GIMAP8: variants seen among roughly 807,000 people sequenced by gnomAD.
The protein encoded by GIMAP8 is GTPase, IMAP family member 8.
Under a neutral mutation model 35.6 loss-of-function variants are expected in GIMAP8, and 29 were observed. That is an observed-to-expected ratio of 0.81 (90% CI 0.61 to 1.11). GIMAP8 has a LOEUF of 1.11. Among genes scored for constraint, GIMAP8 ranks in the 50% most tolerant of loss-of-function variants. The pLI, the probability that GIMAP8 is intolerant of heterozygous loss-of-function variation, is 0.00. For synonymous variants in GIMAP8, 335 were observed against 308.7 expected (o/e 1.09, Z -0.89); for missense variants, 811 against 805.0 (o/e 1.01, Z -0.09).
chr7:150,461,147 C>T (rs1801836572), intron 1 of GIMAP8, among the ~76,000 whole-genome samples: 1 of 152,226 alleles, frequency 6.6e-6, no homozygotes, highest in South Asian at 2.1e-4. Flanking sequence ...GCTGACATAA[C>T]AGATGGTCTA....
At position 150,472,557 on chromosome 7, in the gene GIMAP8, G is replaced by A. The variant is rs1802115043; in HGVS notation, c.683-1455G>A. Among the ~76,000 whole-genome samples, 1 of 152,102 alleles carries A rather than the reference G, an allele frequency of 6.6e-6. No individual in the cohort carries two copies. Among genetic ancestry groups the A allele is most frequent in the Non-Finnish European group, 1.5e-5 (1 of 68,032 alleles). ...GCCAGACCAGCTCCTGGCTCTCAAG[G>A]GCTATTTATTATCCCTTCTCACTCC... On this transcript the variant is annotated intron_variant, in intron 3 of 4. Transcript: ENST00000307271. This position sits in a 1 kb window ranked among gnomAD's most constrained non-coding sequence, Gnocchi z 4.1.
At chr7:150,459,808 A>T (rs1020922325) in intron 1 of GIMAP8, among the ~76,000 whole-genome samples, 1 of 152,184 alleles carries the variant, frequency 6.6e-6, no homozygotes, top group Non-Finnish European at 1.5e-5. Flanking sequence ...GTAAGCCTGT[A>T]TGGAAAATCA....
At chr7:150,463,264 T>C (rs566370129) in intron 1 of GIMAP8, among the ~76,000 whole-genome samples, 22 of 152,292 alleles carry the variant, frequency 1.4e-4, no homozygotes, top group Admixed American at 3.3e-4. Context: ...TTTCTTTGTA[T>C]TGTCAATCTG....
At chr7:150,453,511 AC>A (rs958962120) in intron 1 of GIMAP8, among the ~76,000 whole-genome samples, 1 of 152,278 alleles carries the variant, frequency 6.6e-6, no homozygotes, top group African/African-American at 2.4e-5. Flanking sequence ...AGTGCCACAG[AC>A]CCCATTTTTT....
At chr7:150,453,856 G>T (rs1323809060) in intron 1 of GIMAP8, among the ~76,000 whole-genome samples, 1 of 150,526 alleles carries the variant, frequency 6.6e-6, no homozygotes, top group Non-Finnish European at 1.5e-5. Context: ...TGGGTGCTGG[G>T]TATGGGGCGG....
intron 2 of GIMAP8, among the ~76,000 whole-genome samples, chr7:150,468,759 C>T (rs1249945107): frequency 2.0e-5 from 3 of 152,122 alleles, no homozygotes; most frequent in Non-Finnish European, 4.4e-5. Flanking sequence ...GAGTAATAAG[C>T]CCAAGCAGCA....
Position 150,467,341 on chromosome 7 carries a change from A to C in GIMAP8, c.636+7A>C. The C allele has an allele frequency of 6.2e-7, 1 of 1,604,774 alleles. No homozygotes were observed. The highest frequency in any genetic ancestry group is 1.1e-5 in the South Asian group (1 of 90,542). The stretch of plus-strand genomic sequence containing the variant: ...TGAAGGCAGCAGGTTTCAAGTAAGA[A>C]TTTTGTTAATATCTTGAAAGATCTC... On this transcript the variant is annotated splice_region_variant and intron_variant, in intron 2 of 4. Coordinates refer to ENST00000307271, the MANE Select transcript of GIMAP8 (RefSeq NM_175571.4).
In GIMAP8 at chr7:150,477,161, G is replaced by C; in HGVS notation, c.1379G>C (p.Gly460Ala). The C allele has an allele frequency of 6.2e-7, 1 of 1,614,070 alleles. No individual in the cohort carries two copies. Among genetic ancestry groups the C allele is most frequent in the Non-Finnish European group, 8.5e-7 (1 of 1,179,988 alleles). The change falls in exon 5 of 5, where the codon GGG (glycine) becomes GCG (alanine). Residue 460 changes from glycine to alanine, a missense_variant. Gly to Ala is a moderately conservative substitution (Grantham distance 60). Transcript: ENST00000307271. ...AGTGCGACCGGGAACTCTATCCTGG[G>C]GAGCCTCGTCTTCACCTCTCGGCTC... ...GKSATGNSILGSLVFTSRLRA... is the reference protein window; with the variant it reads ...GKSATGNSILASLVFTSRLRA...
intron 1 of GIMAP8, among the ~76,000 whole-genome samples, chr7:150,459,781 G>T (rs1383066069): frequency 6.6e-6 from 1 of 152,166 alleles, no homozygotes; most frequent in Non-Finnish European, 1.5e-5. Flanking sequence ...GAGTTCCTTG[G>T]AGTGAGTTCC....
intron 1 of GIMAP8, among the ~76,000 whole-genome samples, chr7:150,465,528 A>G (rs1801936203): frequency 6.6e-6 from 1 of 152,202 alleles, no homozygotes; most frequent in Admixed American, 6.5e-5. Context: ...AATCCAGAAG[A>G]AATTGTACAA....
intron 1 of GIMAP8, among the ~76,000 whole-genome samples, chr7:150,453,424 G>A (rs1477466004): frequency 1.3e-5 from 2 of 152,172 alleles, no homozygotes; most frequent in South Asian, 2.1e-4. Context: ...GCTTTGCCTC[G>A]CCCTTTTCGA....
At chr7:150,473,930 C>T in intron 3 of GIMAP8, 82 bp from the exon 4 acceptor site, 4 of 1,403,002 alleles carry the variant, frequency 2.9e-6, no homozygotes, top group African/African-American at 1.4e-5. Context: ...TACAAGTTTG[C>T]AGGGATGAGA....
At chr7:150,476,025 G>T (rs147009475) in intron 4 of GIMAP8, among the ~76,000 whole-genome samples, 1 of 152,280 alleles carries the variant, frequency 6.6e-6, no homozygotes, top group Non-Finnish European at 1.5e-5. Context: ...GGGGAGTGGG[G>T]CCGGATTTCA....
Position 150,478,236 on chromosome 7 carries a change from T to C in GIMAP8, c.*456T>C. ...GGCATGGCGGAAGCAGGAAGCAGAC[T>C]CCAGAGGGCCTCCCTGTTGTCCAGG... On this transcript the variant is annotated 3_prime_UTR_variant, in exon 5 of 5. Coordinates refer to ENST00000307271, the MANE Select transcript of GIMAP8 (RefSeq NM_175571.4). The C allele has an allele frequency of 6.0e-6, 1 of 165,702 alleles. No individual in the cohort carries two copies. The highest frequency in any genetic ancestry group is 1.3e-5 in the Non-Finnish European group (1 of 75,286). 10.3% of individuals were successfully genotyped at this position (165,702 alleles called of 1,614,324 possible).
At chr7:150,461,769 A>C (rs1450846228) in intron 1 of GIMAP8, among the ~76,000 whole-genome samples, 1 of 151,934 alleles carries the variant, frequency 6.6e-6, no homozygotes, top group East Asian at 1.9e-4. Flanking sequence ...AAATTGGTGA[A>C]TTTAATCCAT....
chr7:150,451,580 G>A lies in GIMAP8; in HGVS notation c.-29+405G>A, dbSNP rs889118047. On this transcript the variant is annotated intron_variant, in intron 1 of 4. Coordinates refer to ENST00000307271, the MANE Select transcript of GIMAP8 (RefSeq NM_175571.4). The surrounding 1 kb of genome is among the most constrained non-coding windows in gnomAD (Gnocchi z 4.1). ...GGGTGTGAGCCCTGAAGAGGAGGAG[G>A]GCTGAGACTGGCAGAAGGGAGGAAG... Among the ~76,000 whole-genome samples the A allele has an allele frequency of 1.2e-4, 19 of 152,284 alleles. No individual in the cohort carries two copies. Among genetic ancestry groups the A allele is most frequent in the Admixed American group, 7.8e-4 (12 of 15,302 alleles).
chr7:150,452,970 G>A (rs531601020), intron 1 of GIMAP8, among the ~76,000 whole-genome samples: 3 of 151,578 alleles, frequency 2.0e-5, no homozygotes, highest in East Asian at 1.9e-4. Flanking sequence ...TTACCTCCAC[G>A]TATTGGGCAT....
intron 1 of GIMAP8, among the ~76,000 whole-genome samples, chr7:150,464,126 A>G (rs1801901296): frequency 6.6e-6 from 1 of 152,230 alleles, no homozygotes; most frequent in Admixed American, 6.5e-5. Flanking sequence ...AGTAGTTTCT[A>G]GGGTAAACTT....
Position 150,477,467 on chromosome 7 carries a change from T to C in GIMAP8, c.1685T>C (p.Met562Thr), listed in dbSNP as rs573990747. The C allele has an allele frequency of 6.2e-7, 1 of 1,614,172 alleles. No individual in the cohort carries two copies. The highest frequency in any genetic ancestry group is 1.1e-5 in the South Asian group (1 of 91,088). The change falls in exon 5 of 5, where the codon ATG becomes ACG. Residue 562 changes from methionine to threonine, a missense_variant. Coordinates refer to ENST00000307271, the MANE Select transcript of GIMAP8 (RefSeq NM_175571.4). Reference protein sequence around the residue: ...FGADFTKYAIMLFTRKEDLGA... With the variant: ...FGADFTKYAITLFTRKEDLGA... The stretch of plus-strand genomic sequence containing the variant: ...GCAGACTTTACGAAATACGCGATTA[T>C]GCTGTTCACCCGGAAGGAAGACCTA...
Sources: gnomAD v4.1 joint callset for allele counts (sites outside exome capture counted in the v4.1 genomes callset) on GRCh38, gnomAD v4.1.1 for gene constraint, Gnocchi (gnomAD v3.1) non-coding constraint, MANE v1.5 for transcripts, NCBI Gene and HGNC (gene_info 2026-07-23, HGNC 2026-07-21) for gene names.